Variants in ZDHHC15 observed in about 807,000 individuals in gnomAD.
ZDHHC15 encodes palmitoyltransferase ZDHHC15.
Under a neutral mutation model 31.7 loss-of-function variants are expected in ZDHHC15, and 19 were observed. The observed-to-expected ratio is 0.60, with a 90% CI of 0.42 to 0.88. The LOEUF is 0.88. ZDHHC15 is among the 40% of genes least tolerant of loss of function. The pLI is 0.00. For missense variants in ZDHHC15, 209 were observed against 251.2 expected, an observed-to-expected ratio of 0.83 and a Z score of 1.14; for synonymous variants, 103 against 90.0, an observed-to-expected ratio of 1.14 and a Z score of -0.82.
intron 10 of ZDHHC15, among the ~76,000 whole-genome samples, chrX:75,413,708 C>A (rs1196620963): frequency 2.9e-5 from 3 of 104,378 alleles, no homozygotes; most frequent in Admixed American, 1.0e-4. Context: ...CAAAACAAAA[C>A]AAAAAAAAAC....
rs1248753210 is a variant in ZDHHC15, at chrX:75,370,988, C to T, written c.*1990G>A. The T allele has an allele frequency of 9.0e-6, 1 of 111,669 alleles. No homozygotes were observed. The highest frequency in any genetic ancestry group is 1.9e-5 in the Non-Finnish European group (1 of 53,194). The allele number at this position is 111,669 out of a possible 1,213,427, so 9.2% of individuals were successfully genotyped here. A position where few individuals can be genotyped will look rare whatever the true frequency, so the allele number is the denominator to read the frequency against. On this transcript the variant is annotated 3_prime_UTR_variant, in exon 12 of 12. Transcript: ENST00000373367. ...TCTGTGGGAGCTGAGTGCTGATACA[C>T]CCTATGCATCAAAGAAGTTCTTGAT...
intron 2 of ZDHHC15, among the ~76,000 whole-genome samples, chrX:75,484,347 G>A (rs1333484933): frequency 8.9e-6 from 1 of 111,828 alleles, no homozygotes; most frequent in Non-Finnish European, 1.9e-5. Context: ...GGCATTTAAA[G>A]ATCTGTTATA....
chrX:75,462,960 T>C (rs1426812945), intron 3 of ZDHHC15, among the ~76,000 whole-genome samples: 1 of 110,311 alleles, frequency 9.1e-6, no homozygotes, highest in Non-Finnish European at 1.9e-5. Flanking sequence ...AAAAAACTCT[T>C]CAAAAAAAAT....
At chrX:75,496,202 C>T (rs779360103) in intron 2 of ZDHHC15, among the ~76,000 whole-genome samples, 1 of 110,781 alleles carries the variant, frequency 9.0e-6, no homozygotes, top group Admixed American at 9.7e-5. Context: ...ACCAGAGTAG[C>T]TATTCTTATA....
At chrX:75,514,491 G>A (rs1290016543) in intron 1 of ZDHHC15, among the ~76,000 whole-genome samples, 1 of 111,787 alleles carries the variant, frequency 8.9e-6, no homozygotes, top group African/African-American at 3.3e-5. Context: ...GAAGACAGGT[G>A]ACTTCTGCAT....
intron 2 of ZDHHC15, among the ~76,000 whole-genome samples, chrX:75,487,019 T>C (rs766151987): frequency 1.8e-5 from 2 of 111,110 alleles, no homozygotes; most frequent in African/African-American, 6.6e-5. Context: ...TACATACCCT[T>C]CTACTACAGC....
intron 11 of ZDHHC15, among the ~76,000 whole-genome samples, chrX:75,375,820 C>G (rs1489743798): frequency 8.9e-6 from 1 of 111,772 alleles, no homozygotes; most frequent in Admixed American, 9.5e-5. Flanking sequence ...TGATGGACAC[C>G]TAGGTTGATT....
Position 75,478,997 on chromosome X carries a change from A to T in ZDHHC15, c.164-12T>A, listed in dbSNP as rs2084648774. 9.0e-7 allele frequency: 1 copy of T among 1,109,428 alleles called. No homozygotes were observed. The highest frequency in any genetic ancestry group is 1.8e-5 in the African/African-American group (1 of 54,186). The allele number at this position is 1,109,428 out of a possible 1,213,427, so 91.4% of individuals were successfully genotyped here. On this transcript the variant is annotated splice_polypyrimidine_tract_variant and intron_variant, in intron 2 of 11. Coordinates refer to ENST00000373367, the MANE Select transcript of ZDHHC15 (RefSeq NM_144969.3). ...TATGAGGTAAATAACTGAAATAAAAAAAAAATCAGTGTTTATACTATCTTT... is the reference window on the plus strand; with the variant it reads ...TATGAGGTAAATAACTGAAATAAAATAAAAATCAGTGTTTATACTATCTTT...
intron 11 of ZDHHC15, among the ~76,000 whole-genome samples, chrX:75,373,515 C>A (rs1218086889): frequency 2.7e-5 from 3 of 111,079 alleles, no homozygotes; most frequent in African/African-American, 9.8e-5. Flanking sequence ...TTGGCCTTAT[C>A]CATTGACCCT....
chrX:75,415,717 A>C (rs1219731370), intron 10 of ZDHHC15, among the ~76,000 whole-genome samples: 1 of 112,604 alleles, frequency 8.9e-6, no homozygotes, highest in African/African-American at 3.2e-5. Context: ...ATAGGAAAGC[A>C]CTTTGTAAAC....
At chrX:75,374,785 T>A (rs1393907344) in intron 11 of ZDHHC15, among the ~76,000 whole-genome samples, 9 of 109,432 alleles carry the variant, frequency 8.2e-5, no homozygotes, top group Non-Finnish European at 1.5e-4. Flanking sequence ...TGAATCTCAA[T>A]TATGTTGAGT....
intron 2 of ZDHHC15, among the ~76,000 whole-genome samples, chrX:75,480,814 T>C (rs2084677893): frequency 8.9e-6 from 1 of 111,956 alleles, no homozygotes; most frequent in Non-Finnish European, 1.9e-5. Context: ...TTTATATATG[T>C]CATCAGCACA....
chrX:75,400,065 C>T (rs748880092), intron 10 of ZDHHC15, among the ~76,000 whole-genome samples: 3 of 111,403 alleles, frequency 2.7e-5, no homozygotes, highest in South Asian at 3.8e-4. Context: ...TCAAATGGCC[C>T]GGGTGTCATA....
intron 4 of ZDHHC15, among the ~76,000 whole-genome samples, chrX:75,440,999 G>A (rs2083932570): frequency 9.0e-6 from 1 of 111,642 alleles, no homozygotes; most frequent in Non-Finnish European, 1.9e-5. Context: ...CATGCAGCCA[G>A]CAAGGCCAGT....
intron 4 of ZDHHC15, among the ~76,000 whole-genome samples, chrX:75,433,085 T>C (rs1602614669): frequency 2.7e-5 from 3 of 111,963 alleles, no homozygotes; most frequent in African/African-American, 9.7e-5. Flanking sequence ...CTCCTTACCA[T>C]GGCCTGTATC....
intron 2 of ZDHHC15, among the ~76,000 whole-genome samples, chrX:75,497,313 T>A (rs764042139): frequency 9.0e-6 from 1 of 111,215 alleles, no homozygotes; most frequent in South Asian, 3.7e-4. Context: ...AACATCCCAA[T>A]AACAAGTAGC....
intron 4 of ZDHHC15, among the ~76,000 whole-genome samples, chrX:75,448,950 ACC>A (rs1466110443): frequency 9.0e-6 from 1 of 110,735 alleles, no homozygotes; most frequent in Non-Finnish European, 1.9e-5. Context: ...TCCTTTGAGG[ACC>A]TGAACAGAAC....
chrX:75,478,560 CTG>C (rs2084640717), intron 3 of ZDHHC15, among the ~76,000 whole-genome samples: 1 of 111,195 alleles, frequency 9.0e-6, no homozygotes, highest in South Asian at 3.8e-4. Flanking sequence ...TTAAAAAATT[CTG>C]TGTATTGACA....
At chrX:75,410,082 C>A (rs754430157) in intron 10 of ZDHHC15, among the ~76,000 whole-genome samples, 1 of 111,351 alleles carries the variant, frequency 9.0e-6, no homozygotes, top group Non-Finnish European at 1.9e-5. Flanking sequence ...ATACAAAAGT[C>A]AAATCAAAAT....
Sources: allele counts gnomAD v4.1 joint callset (sites outside exome capture counted in the v4.1 genomes callset), GRCh38; gene constraint gnomAD v4.1.1; transcripts MANE v1.5; gene names NCBI Gene and HGNC (gene_info 2026-07-23, HGNC 2026-07-21).